Variants in CD2AP observed in about 807,000 individuals in gnomAD.
CD2AP encodes CD2 associated protein.
CD2AP carries 46 observed loss-of-function variants against 85.1 expected under a neutral mutation model. The observed-to-expected ratio is 0.54, with a 90% CI of 0.43 to 0.69. CD2AP has a LOEUF of 0.69. CD2AP is among the 30% of genes least tolerant of loss of function. The pLI is 0.00. For missense variants in CD2AP, 769 were observed against 729.5 expected (o/e 1.05, Z -0.62); for synonymous variants, 255 against 252.9 (o/e 1.01, Z -0.08).
intron 11 of CD2AP, among the ~76,000 whole-genome samples, chr6:47,586,959 C>T (rs987269135): frequency 6.6e-6 from 1 of 152,168 alleles, no homozygotes; most frequent in Non-Finnish European, 1.5e-5. Flanking sequence ...AGAATGTTCT[C>T]ATACACCTGA....
chr6:47,519,205 A>G (rs1277039660), intron 2 of CD2AP, among the ~76,000 whole-genome samples: 1 of 152,242 alleles, frequency 6.6e-6, no homozygotes. Context: ...TTTGAACAAA[A>G]ATGCTTGGGG....
At chr6:47,554,030 A>G (rs552414203) in intron 4 of CD2AP, among the ~76,000 whole-genome samples, 3 of 152,142 alleles carry the variant, frequency 2.0e-5, no homozygotes, top group Admixed American at 6.5e-5. Flanking sequence ...AATTGGGCTC[A>G]GCCTCCCCAG....
chr6:47,532,074 A>G (rs78224034), intron 2 of CD2AP, among the ~76,000 whole-genome samples: 1 of 80,974 alleles, frequency 1.2e-5, no homozygotes, highest in Non-Finnish European at 2.8e-5. Context: ...ACTCCTTCTC[A>G]AAAAAAAAAA....
rs191397279 is a variant in CD2AP at position 47,568,739 on chromosome 6, G to T, written c.542-5325G>T. ...AGCCTGGGTGACAGAGTGAGACTCC[G>T]TCTCAAATAAATAAATAAATAAGGA... On this transcript the variant is annotated intron_variant, in intron 5 of 17. Transcript: ENST00000359314. Among the ~76,000 whole-genome samples, 410 of 84,316 alleles carry T rather than the reference G, an allele frequency of 4.9e-3. 4 individuals carry two copies. The highest frequency in any genetic ancestry group is 0.016 in the African/African-American group (387 of 24,876). The allele number at this position is 84,316 out of a possible 152,430, so 55.3% of individuals were successfully genotyped here.
Position 47,608,051 on chromosome 6 carries a change from GT to G in CD2AP, c.1632+26del. 3 of 1,513,616 alleles carry G rather than the reference GT, an allele frequency of 2.0e-6. No individual in the cohort carries two copies. In the South Asian group the frequency reaches 3.4e-5, roughly 17 times the overall value. The allele number at this position is 1,513,616 out of a possible 1,614,324, so 93.8% of individuals were successfully genotyped here. A position where few individuals can be genotyped will look rare whatever the true frequency, so the allele number is the denominator to read the frequency against. The stretch of plus-strand genomic sequence containing the variant: ...AAGGTGAGGTGCATTGTGGTCTAAG[GT>G]TTGTTGACTTTCTGGGATTCTTTGT... On this transcript the variant is annotated intron_variant, in intron 15 of 17. Transcript: ENST00000359314.
chr6:47,524,872 G>T (rs1766682015), intron 2 of CD2AP, among the ~76,000 whole-genome samples: 1 of 152,070 alleles, frequency 6.6e-6, no homozygotes, highest in Admixed American at 6.5e-5. Context: ...TGTCATTTTT[G>T]TTTTCCTTGC....
chr6:47,516,564 T>C (rs1007901976), intron 2 of CD2AP, among the ~76,000 whole-genome samples: 1 of 152,220 alleles, frequency 6.6e-6, no homozygotes, highest in Non-Finnish European at 1.5e-5. Flanking sequence ...TGATGTGCAA[T>C]GGATGCTTTG....
At chr6:47,527,467 T>C (rs1766760480) in intron 2 of CD2AP, among the ~76,000 whole-genome samples, 1 of 152,212 alleles carries the variant, frequency 6.6e-6, no homozygotes. Flanking sequence ...AATTATACTG[T>C]GGAGAGTAAA....
chr6:47,574,336 G>C, intron 6 of CD2AP, 85 bp downstream of exon 6: 3 of 1,282,682 alleles, frequency 2.3e-6, no homozygotes, highest in Admixed American at 1.7e-5. Context: ...TTGTAACTCT[G>C]TTAGATTTCT....
chr6:47,500,455 G>C (rs1007041758), intron 1 of CD2AP, among the ~76,000 whole-genome samples: 2 of 152,052 alleles, frequency 1.3e-5, no homozygotes, highest in South Asian at 2.1e-4. Flanking sequence ...AAAATTTCTT[G>C]CCGGGTCCCT....
At chr6:47,496,550 G>A (rs1209257686) in intron 1 of CD2AP, among the ~76,000 whole-genome samples, 1 of 152,066 alleles carries the variant, frequency 6.6e-6, no homozygotes, top group South Asian at 2.1e-4. Flanking sequence ...GCAGTTATGT[G>A]GTGCTATAAA....
At chr6:47,612,738 T>C (rs183354325) in intron 17 of CD2AP, among the ~76,000 whole-genome samples, 104 of 152,280 alleles carry the variant, frequency 6.8e-4, no homozygotes, top group African/African-American at 2.4e-3. Flanking sequence ...GAGGTCATTA[T>C]GTTAAGCCAG....
chr6:47,502,493 G>GTT (rs370906372), intron 1 of CD2AP, among the ~76,000 whole-genome samples: 100 of 129,444 alleles, frequency 7.7e-4, no homozygotes, highest in African/African-American at 1.1e-3. Flanking sequence ...GAACTCCTGA[G>GTT]TTTTTTTTTT....
intron 11 of CD2AP, among the ~76,000 whole-genome samples, chr6:47,583,090 A>AT (rs1768526657): frequency 6.6e-6 from 1 of 151,886 alleles, no homozygotes; most frequent in South Asian, 2.1e-4. Flanking sequence ...GGCCAGTATC[A>AT]TTTTTTTAAG....
At chr6:47,532,173 G>A (rs1378302558) in intron 2 of CD2AP, among the ~76,000 whole-genome samples, 2 of 151,736 alleles carry the variant, frequency 1.3e-5, no homozygotes, top group African/African-American at 4.8e-5. Context: ...ATATTCTATT[G>A]TAAAGGTTAA....
chr6:47,569,047 A>T (rs1768078027), intron 5 of CD2AP, among the ~76,000 whole-genome samples: 1 of 152,218 alleles, frequency 6.6e-6, no homozygotes, highest in Non-Finnish European at 1.5e-5. Context: ...AGACAAGAGC[A>T]GTTTTGAGGT....
chr6:47,479,707 A>G (rs116094613), intron 1 of CD2AP, among the ~76,000 whole-genome samples: 5,686 of 152,342 alleles, frequency 0.037, 341 homozygotes, highest in African/African-American at 0.13. Flanking sequence ...AATGGGATGC[A>G]GAATAAAATT....
intron 11 of CD2AP, 168 bp downstream of exon 11, chr6:47,582,233 G>C: frequency 1.7e-6 from 1 of 582,838 alleles, no homozygotes. Flanking sequence ...TTCTCAAACA[G>C]ATAACAATTT....
intron 2 of CD2AP, among the ~76,000 whole-genome samples, chr6:47,509,578 T>TA (rs1288883014): frequency 5.9e-5 from 9 of 152,234 alleles, no homozygotes; most frequent in African/African-American, 2.2e-4. Context: ...GAGGCTATAG[T>TA]AGGGAATTGA....
Sources: allele counts gnomAD v4.1 joint callset (sites outside exome capture counted in the v4.1 genomes callset), GRCh38; gene constraint gnomAD v4.1.1; transcripts MANE v1.5; gene names NCBI Gene and HGNC (gene_info 2026-07-23, HGNC 2026-07-21).